FAM83A: variants seen among roughly 807,000 people sequenced by gnomAD.
FAM83A encodes the protein scaffolding CK1 anchoring protein A.
In FAM83A, 21 loss-of-function variants were observed where a neutral mutation model predicts 24.4. The observed-to-expected ratio is 0.86, with a 90% CI of 0.61 to 1.24. FAM83A has a LOEUF of 1.24. FAM83A is among the 50% of genes most tolerant of loss of function. FAM83A has a pLI of 0.00. For missense variants in FAM83A, 617 were observed against 579.8 expected, an observed-to-expected ratio of 1.06 and a Z score of -0.66; for synonymous variants, 270 against 252.4, an observed-to-expected ratio of 1.07 and a Z score of -0.66.
intron 1 of FAM83A, among the ~76,000 whole-genome samples, chr8:123,190,322 TGC>T (rs1351537849): frequency 2.0e-5 from 3 of 152,088 alleles, no homozygotes; most frequent in South Asian, 2.1e-4. Context: ...AGTGCAGTGG[TGC>T]GATCTCGGCT....
chr8:123,182,073 G>GGC, upstream of FAM83A: 1 of 456,226 alleles, frequency 2.2e-6, no homozygotes, highest in Admixed American at 2.3e-5. Flanking sequence ...CGGCAGCCTC[G>GGC]GCTCGTTCTC....
chr8:123,198,487 A>G (rs1386283742), intron 3 of FAM83A, among the ~76,000 whole-genome samples: 4 of 152,228 alleles, frequency 2.6e-5, no homozygotes, highest in Non-Finnish European at 4.4e-5. Flanking sequence ...CATTTCAGGG[A>G]GATCAGAACT....
At chr8:123,191,293 C>T (rs1304531975) in intron 1 of FAM83A, among the ~76,000 whole-genome samples, 1 of 152,166 alleles carries the variant, frequency 6.6e-6, no homozygotes, top group African/African-American at 2.4e-5. Flanking sequence ...CTTCTCCATC[C>T]CACGGGGAGC....
intron 3 of FAM83A, among the ~76,000 whole-genome samples, chr8:123,203,478 C>T (rs1433555603): frequency 6.7e-6 from 1 of 150,342 alleles, no homozygotes; most frequent in South Asian, 2.1e-4. Context: ...GTCCCAACTA[C>T]TCGGGAGGCT....
chr8:123,185,252 C>T (rs1378339780), intron 1 of FAM83A, among the ~76,000 whole-genome samples: 2 of 152,196 alleles, frequency 1.3e-5, no homozygotes, highest in Non-Finnish European at 2.9e-5. Flanking sequence ...GCTCCAAAGG[C>T]CTGTTCCTGA....
exon 1 of FAM83A, chr8:123,183,160 T>A: frequency 6.2e-7 from 1 of 1,613,628 alleles, no homozygotes; most frequent in Non-Finnish European, 8.5e-7. Context: ...CTCCCTACAG[T>A]CCGGCACCTA....
At chr8:123,184,732 G>A (rs953771871) in intron 1 of FAM83A, among the ~76,000 whole-genome samples, 1 of 152,232 alleles carries the variant, frequency 6.6e-6, no homozygotes, top group Non-Finnish European at 1.5e-5. Flanking sequence ...CTGCTGCAGA[G>A]GGGCAGGGGA....
intron 1 of FAM83A, among the ~76,000 whole-genome samples, chr8:123,186,083 C>T (rs1823782465): frequency 6.6e-6 from 1 of 152,188 alleles, no homozygotes; most frequent in Admixed American, 6.5e-5. Flanking sequence ...GCCACCGTGC[C>T]TGGCCAGTTA....
intron 1 of FAM83A, among the ~76,000 whole-genome samples, chr8:123,185,839 G>A (rs572002554): frequency 8.7e-4 from 133 of 152,316 alleles, no homozygotes; most frequent in African/African-American, 3.1e-3. Context: ...CGCCCAGGCT[G>A]GAGTGCGTTG....
chr8:123,207,749 AC>A, exon 4 of FAM83A: 1 of 1,405,840 alleles, frequency 7.1e-7, no homozygotes. Context: ...AGACCCAAAG[AC>A]CCACCTCAAC....
rs535663841 is a variant in FAM83A at position 123,208,558 on chromosome 8, C to A, written c.*870C>A. On this transcript the variant is annotated 3_prime_UTR_variant, in exon 4 of 4. Coordinates refer to ENST00000690554, the Ensembl canonical transcript of FAM83A. ...CAGGTGCCTCTGACCAGCCTGGTCA[C>A]CTCCTGAGGAATAAATGCTGAACCT... is the stretch of plus-strand genomic sequence containing the variant. The A allele has an allele frequency of 5.1e-5, 50 of 985,570 alleles. No homozygotes were observed. In the East Asian group the frequency reaches 5.3e-3, roughly 105 times the overall value. 61.1% of individuals were successfully genotyped at this position (985,570 alleles called of 1,614,324 possible).
rs78267792 is a variant in FAM83A at position 123,185,019 on chromosome 8, T to G, written c.480+1683T>G. Among the ~76,000 whole-genome samples the G allele has an allele frequency of 8.6e-3, 1,312 of 152,160 alleles. 15 individuals are homozygous for G. The highest frequency in any genetic ancestry group is 0.03 in the African/African-American group (1,232 of 41,520). ...GGGAGGGAGCAGAGTTCTGGAAAAT[T>G]TAGTCGAAGGTAACAACAGGTGGGG... On this transcript the variant is annotated intron_variant, in intron 1 of 3. Coordinates refer to ENST00000690554, the Ensembl canonical transcript of FAM83A.
At chr8:123,190,796 C>A (rs1010355369) in intron 1 of FAM83A, among the ~76,000 whole-genome samples, 3 of 152,200 alleles carry the variant, frequency 2.0e-5, no homozygotes, top group African/African-American at 7.2e-5. Flanking sequence ...TACCTCCTGG[C>A]TGCTTTCTCC....
chr8:123,194,369 C>T (rs990926646), intron 3 of FAM83A, among the ~76,000 whole-genome samples: 22 of 152,194 alleles, frequency 1.4e-4, no homozygotes, highest in African/African-American at 3.9e-4. Context: ...CAGGTGCCTC[C>T]GTTTCCCTTG....
At position 123,209,232 on chromosome 8, in the gene FAM83A, A is replaced by C; in HGVS notation, c.*1544A>C. On this transcript the variant is annotated 3_prime_UTR_variant, in exon 4 of 4. Coordinates refer to ENST00000690554, the Ensembl canonical transcript of FAM83A. The surrounding 1 kb of genome is among the most constrained non-coding windows in gnomAD (Gnocchi z 4.7). ...TCGCTGTGGAGGGACGAGAGCACAG[A>C]GCTCTTCCTCCTGGTGGCCTCTGAC... 1 of 1,241,632 alleles carries C rather than the reference A, an allele frequency of 8.1e-7. No homozygotes were observed. The allele number at this position is 1,241,632 out of a possible 1,614,324, so 76.9% of individuals were successfully genotyped here.
intron 2 of FAM83A, among the ~76,000 whole-genome samples, chr8:123,192,333 T>A (rs1390070481): frequency 1.3e-5 from 2 of 152,156 alleles, no homozygotes; most frequent in African/African-American, 4.8e-5. Flanking sequence ...GTGAGCAGCA[T>A]CTCTGCCATG....
intron 1 of FAM83A, among the ~76,000 whole-genome samples, chr8:123,185,590 G>A (rs1328403264): frequency 6.6e-6 from 1 of 152,226 alleles, no homozygotes; most frequent in African/African-American, 2.4e-5. Flanking sequence ...CCTCTTAGCA[G>A]GTGGGCTCTG....
Position 123,209,558 on chromosome 8 carries a change from C to T in FAM83A, c.*1870C>T, listed in dbSNP as rs766111128. ...TGAGATGAGGTTAGAATGACTGGGC[C>T]CGGCTGAACATTCCAAATTGGATTT... On this transcript the variant is annotated 3_prime_UTR_variant, in exon 4 of 4. Coordinates refer to ENST00000690554, the Ensembl canonical transcript of FAM83A. The surrounding 1 kb of genome is among the most constrained non-coding windows in gnomAD (Gnocchi z 4.7). The T allele has an allele frequency of 1.9e-6, 3 of 1,613,776 alleles. No homozygotes were observed. Among genetic ancestry groups the T allele is most frequent in the Non-Finnish European group, 2.5e-6 (3 of 1,179,720 alleles).
rs552839165 is a variant in FAM83A at position 123,184,849 on chromosome 8, A to G, written c.480+1513A>G. Among the ~76,000 whole-genome samples, 200 of 152,354 alleles carry G rather than the reference A, an allele frequency of 1.3e-3. 1 individual carries two copies. Among genetic ancestry groups the G allele is most frequent in the Admixed American group, 4.0e-3 (61 of 15,308 alleles). ...TATTTTGTTACACTTAGAAGAAGTC[A>G]TAAAAGAACATGCTGATGTTTGGGT... On this transcript the variant is annotated intron_variant, in intron 1 of 3. Coordinates refer to ENST00000690554, the Ensembl canonical transcript of FAM83A.
Sources: gnomAD v4.1 joint callset for allele counts (sites outside exome capture counted in the v4.1 genomes callset) on GRCh38, gnomAD v4.1.1 for gene constraint, Gnocchi (gnomAD v3.1) non-coding constraint, MANE v1.5 for transcripts, NCBI Gene and HGNC (gene_info 2026-07-23, HGNC 2026-07-21) for gene names.